The following MEF2C variants were observed in gnomAD, a reference collection of about 807,000 sequenced individuals.
MEF2C encodes myocyte enhancer factor 2C, also known as myocyte-specific enhancer factor 2C.
A neutral mutation model predicts 50.5 loss-of-function variants in MEF2C; 6 were observed. The observed-to-expected ratio is 0.12, with a 90% CI of 0.07 to 0.23. MEF2C has a LOEUF of 0.23. Among genes scored for constraint, MEF2C ranks in the 10% least tolerant of loss-of-function variants. The pLI, the probability that MEF2C is intolerant of heterozygous loss-of-function variation, is 1.00. For missense variants in MEF2C, 276 were observed against 605.0 expected, an observed-to-expected ratio of 0.46 and a Z score of 5.70; for synonymous variants, 183 against 228.0, an observed-to-expected ratio of 0.80 and a Z score of 1.78.
chr5:88,734,623 G>A, intron 6 of MEF2C: 1 of 389,470 alleles, frequency 2.6e-6, no homozygotes, highest in Non-Finnish European at 3.2e-6. Context: ...TAAACTCTCT[G>A]AGAAATTCCA....
At chr5:88,800,959 CT>C (rs567823862) in intron 3 of MEF2C, among the ~76,000 whole-genome samples, 131 of 152,212 alleles carry the variant, frequency 8.6e-4, no homozygotes, top group Non-Finnish European at 1.5e-3. Flanking sequence ...CTTTGTGAGT[CT>C]TTGTGCCATT....
intron 4 of MEF2C, among the ~76,000 whole-genome samples, chr5:88,757,874 C>T (rs1479814615): frequency 1.3e-5 from 2 of 152,128 alleles, no homozygotes; most frequent in Admixed American, 6.5e-5. Flanking sequence ...CAGGATCACG[C>T]CGTTGCACTC....
In MEF2C at chr5:88,746,802, G is replaced by A. The variant is rs1006307269; in HGVS notation, c.637+2268C>T. On this transcript the variant is annotated intron_variant, in intron 6 of 10. Transcript: ENST00000504921. Reference sequence around the variant, plus strand: ...ATGACAGCTAAGCTTGAGACTAAGTGGCATCTGCAACAGGTGTTCCTTGGG... The same window carrying A: ...ATGACAGCTAAGCTTGAGACTAAGTAGCATCTGCAACAGGTGTTCCTTGGG... 1.5e-4 allele frequency: 76 copies of A among 506,818 alleles called. 1 individual carries two copies. In the African/African-American group the frequency reaches 1.6e-3, roughly 10 times the overall value. The allele number at this position is 506,818 out of a possible 1,614,324, so 31.4% of individuals were successfully genotyped here.
chr5:88,762,581 T>C (rs1475489732), intron 3 of MEF2C, among the ~76,000 whole-genome samples: 2 of 108,054 alleles, frequency 1.9e-5, no homozygotes, highest in Non-Finnish European at 4.6e-5. Flanking sequence ...TTTATTATTA[T>C]TATTTTTTTT....
intron 1 of MEF2C, chr5:88,824,511 TA>T (rs1809983187): frequency 4.6e-6 from 1 of 217,760 alleles, no homozygotes; most frequent in African/African-American, 2.4e-5. Context: ...GAGAACACCT[TA>T]AAAATAATAT....
At chr5:88,895,857 C>G (rs1208094049) in intron 1 of MEF2C, among the ~76,000 whole-genome samples, 1 of 152,210 alleles carries the variant, frequency 6.6e-6, no homozygotes, top group Non-Finnish European at 1.5e-5. Flanking sequence ...AGGAGCCGGC[C>G]ACTACAGCCG....
intron 6 of MEF2C, chr5:88,740,939 GAC>G (rs1037915281): frequency 1.5e-4 from 146 of 985,340 alleles, no homozygotes; most frequent in South Asian, 6.6e-4. Flanking sequence ...AAAATATTGA[GAC>G]AGTATAAATT....
intron 1 of MEF2C, among the ~76,000 whole-genome samples, chr5:88,892,713 T>C (rs1218441345): frequency 6.6e-6 from 1 of 152,226 alleles, no homozygotes; most frequent in Admixed American, 6.5e-5. Context: ...AGCCACTTGG[T>C]TGCTGAAAAG....
intron 1 of MEF2C, among the ~76,000 whole-genome samples, chr5:88,854,991 T>A (rs1348975799): frequency 6.6e-6 from 1 of 152,208 alleles, no homozygotes; most frequent in Admixed American, 6.5e-5. Context: ...GAATAGCTTA[T>A]GTGTGGTTTA....
intron 3 of MEF2C, among the ~76,000 whole-genome samples, chr5:88,769,291 T>C (rs1781361345): frequency 6.6e-6 from 1 of 152,190 alleles, no homozygotes; most frequent in Non-Finnish European, 1.5e-5. Flanking sequence ...CTCCTGGGCT[T>C]TTACATTGGT....
At chr5:88,738,134 G>T in intron 6 of MEF2C, 1 of 985,318 alleles carries the variant, frequency 1.0e-6, no homozygotes, top group Non-Finnish European at 1.2e-6. Context: ...AAATGTTTCT[G>T]TTAAGAGTTC....
At chr5:88,815,104 G>T (rs547630785) in intron 2 of MEF2C, among the ~76,000 whole-genome samples, 2 of 152,200 alleles carry the variant, frequency 1.3e-5, no homozygotes, top group Non-Finnish European at 2.9e-5. Flanking sequence ...CTACATAAGA[G>T]ATATAATTTG....
intron 3 of MEF2C, among the ~76,000 whole-genome samples, chr5:88,791,097 G>A (rs1458898043): frequency 1.3e-5 from 2 of 151,998 alleles, no homozygotes; most frequent in Non-Finnish European, 2.9e-5. Flanking sequence ...TTCTTATTCG[G>A]CACCTTTTAG....
intron 1 of MEF2C, among the ~76,000 whole-genome samples, chr5:88,831,037 A>G (rs1812800061): frequency 6.6e-6 from 1 of 152,146 alleles, no homozygotes; most frequent in Non-Finnish European, 1.5e-5. Flanking sequence ...TTATGATAAA[A>G]ACATCTAAAT....
At chr5:88,829,654 A>G (rs1330494243) in intron 1 of MEF2C, among the ~76,000 whole-genome samples, 1 of 152,032 alleles carries the variant, frequency 6.6e-6, no homozygotes, top group East Asian at 1.9e-4. Flanking sequence ...AACCTCACTT[A>G]ATACTTCGCC....
At chr5:88,858,793 A>AT (rs201087803) in intron 1 of MEF2C, among the ~76,000 whole-genome samples, 1 of 152,196 alleles carries the variant, frequency 6.6e-6, no homozygotes, top group Admixed American at 6.5e-5. Flanking sequence ...AAAAAACGCT[A>AT]TTTTTAAAAA....
chr5:88,812,319 A>G (rs1337928155), intron 2 of MEF2C, among the ~76,000 whole-genome samples: 1 of 152,164 alleles, frequency 6.6e-6, no homozygotes, highest in Non-Finnish European at 1.5e-5. Flanking sequence ...TGGACAGAGG[A>G]ATTATAGTGT....
At chr5:88,750,797 G>A (rs913770111) in intron 5 of MEF2C, among the ~76,000 whole-genome samples, 2 of 152,112 alleles carry the variant, frequency 1.3e-5, no homozygotes, top group African/African-American at 2.4e-5. Context: ...TAAAGCTTCT[G>A]TAACAAAAAT....
At chr5:88,723,851 A>T (rs1001033564) in intron 10 of MEF2C, among the ~76,000 whole-genome samples, 2 of 152,248 alleles carry the variant, frequency 1.3e-5, no homozygotes, top group Non-Finnish European at 2.9e-5. Context: ...CTTAATCCTC[A>T]TATATTCCCA....
Sources: gnomAD v4.1 joint callset for allele counts (sites outside exome capture counted in the v4.1 genomes callset) on GRCh38, gnomAD v4.1.1 for gene constraint, MANE v1.5 for transcripts, NCBI Gene and HGNC (gene_info 2026-07-23, HGNC 2026-07-21) for gene names.